Variants in CDC14A observed in about 807,000 individuals in gnomAD.
The protein encoded by CDC14A is dual specificity protein phosphatase CDC14A.
A neutral mutation model predicts 74.4 loss-of-function variants in CDC14A; 53 were observed. The observed-to-expected ratio is 0.71, with a 90% CI of 0.57 to 0.89. The LOEUF is 0.89. CDC14A is among the 40% of genes least tolerant of loss of function. The pLI is 0.00. For synonymous variants in CDC14A, 247 were observed against 258.4 expected (o/e 0.96, Z 0.43); for missense variants, 646 against 713.7 (o/e 0.91, Z 1.08).
chr1:100,472,531 G>A (rs1459705889), intron 10 of CDC14A, among the ~76,000 whole-genome samples: 6 of 151,898 alleles, frequency 4.0e-5, no homozygotes, highest in African/African-American at 9.7e-5. Flanking sequence ...TCTATAACTT[G>A]TCTTTTCATC....
chr1:100,466,561 T>C (rs901961329), intron 9 of CDC14A, among the ~76,000 whole-genome samples: 1 of 151,602 alleles, frequency 6.6e-6, no homozygotes, highest in Non-Finnish European at 1.5e-5. Context: ...TGAAACAGAG[T>C]ATGAATACTT....
chr1:100,484,623 C>T, intron 11 of CDC14A, 172 bp downstream of exon 11: 20 of 1,207,026 alleles, frequency 1.7e-5, no homozygotes, highest in Non-Finnish European at 2.1e-5. Context: ...AAACCAATTG[C>T]CCTTAAAAAA....
intron 11 of CDC14A, among the ~76,000 whole-genome samples, chr1:100,491,267 T>C (rs1670587889): frequency 6.6e-6 from 1 of 152,030 alleles, no homozygotes; most frequent in South Asian, 2.1e-4. Context: ...CATATGTATA[T>C]AATACAACCT....
In CDC14A at chr1:100,414,713, G is replaced by A. The variant is rs77833689; in HGVS notation, c.310-9509G>A. 6.8e-3 allele frequency among the ~76,000 whole-genome samples: 1,030 copies of A among 152,156 alleles called. 12 individuals carry two copies. The highest frequency in any genetic ancestry group is 0.023 in the African/African-American group (950 of 41,516). ...TATTCTGGAGTGAGTCTGTTTTTGC[G>A]TTTTATATAAGGACTACCTTTTGAT... On this transcript the variant is annotated intron_variant, in intron 4 of 15. Transcript: ENST00000336454.
chr1:100,508,468 A>G lies in CDC14A; in HGVS notation c.1755+9206A>G, dbSNP rs1206561119. Among the ~76,000 whole-genome samples, 1 of 152,102 alleles carries G rather than the reference A, an allele frequency of 6.6e-6. No homozygotes were observed. Among genetic ancestry groups the G allele is most frequent in the Non-Finnish European group, 1.5e-5 (1 of 68,016 alleles). ...TAGGGAATTTGGTTGGTAGGTTCAGATGGGATGGGAGTGTTGGTGTGTTTC... is the reference window on the plus strand; with the variant it reads ...TAGGGAATTTGGTTGGTAGGTTCAGGTGGGATGGGAGTGTTGGTGTGTTTC... On this transcript the variant is annotated intron_variant, in intron 15 of 15. Coordinates refer to ENST00000336454, the MANE Select transcript of CDC14A (RefSeq NM_003672.4). This position sits in a 1 kb window ranked among gnomAD's most constrained non-coding sequence, Gnocchi z 4.4.
At chr1:100,411,868 T>G (rs1660755606) in intron 4 of CDC14A, among the ~76,000 whole-genome samples, 1 of 152,192 alleles carries the variant, frequency 6.6e-6, no homozygotes, top group African/African-American at 2.4e-5. Flanking sequence ...GGTGATGTGC[T>G]GGTGACTGGC....
At chr1:100,388,336 A>G (rs1657162982) in intron 3 of CDC14A, among the ~76,000 whole-genome samples, 1 of 152,216 alleles carries the variant, frequency 6.6e-6, no homozygotes, top group Admixed American at 6.5e-5. Context: ...CCCAACAGAC[A>G]ATGAGACAAT....
intron 4 of CDC14A, among the ~76,000 whole-genome samples, chr1:100,423,057 CTA>C (rs1662551008): frequency 6.6e-6 from 1 of 152,098 alleles, no homozygotes; most frequent in African/African-American, 2.4e-5. Flanking sequence ...TCGTTTCTGA[CTA>C]TAGAGGAAAA....
intron 9 of CDC14A, 129 bp from the exon 10 acceptor site, chr1:100,467,827 G>A: frequency 3.4e-6 from 3 of 888,474 alleles, no homozygotes; most frequent in Non-Finnish European, 5.0e-6. Context: ...TAGCAGTTAT[G>A]TTTATTAGCT....
At chr1:100,386,326 C>A (rs372220662) in intron 3 of CDC14A, among the ~76,000 whole-genome samples, 1 of 152,102 alleles carries the variant, frequency 6.6e-6, no homozygotes, top group East Asian at 1.9e-4. Flanking sequence ...CTTTCTGTGA[C>A]CCTCTCTATT....
At chr1:100,495,387 C>T (rs892960685) in intron 12 of CDC14A, among the ~76,000 whole-genome samples, 8 of 152,148 alleles carry the variant, frequency 5.3e-5, no homozygotes, top group Admixed American at 5.2e-4. Context: ...CTTACCTGTG[C>T]CTGTAAAGTT....
intron 5 of CDC14A, among the ~76,000 whole-genome samples, chr1:100,428,555 CT>C (rs2101091398): frequency 6.6e-6 from 1 of 152,248 alleles, no homozygotes; most frequent in Admixed American, 6.5e-5. Context: ...TTTCAGTGTA[CT>C]ACTAAATTAT....
rs1360284542 is a variant in CDC14A, at chr1:100,429,377, G to A, written c.389+5076G>A. On this transcript the variant is annotated intron_variant, in intron 5 of 15. Transcript: ENST00000336454. The stretch of plus-strand genomic sequence containing the variant: ...TAAGTCTGGAGGTAAGGTTAGGTAG[G>A]GTAATGTGCTGACAGTAATGGAATA... Among the ~76,000 whole-genome samples, 3 of 151,778 alleles carry A rather than the reference G, an allele frequency of 2.0e-5. No individual in the cohort carries two copies. In the East Asian group the frequency reaches 5.8e-4, roughly 29 times the overall value.
intron 2 of CDC14A, among the ~76,000 whole-genome samples, chr1:100,355,966 A>G (rs892409444): frequency 2.4e-4 from 36 of 152,214 alleles, no homozygotes; most frequent in African/African-American, 8.4e-4. Context: ...GGAAGAGTTA[A>G]GATTGGCTTG....
chr1:100,478,374 T>TGATAGATAACCTATATCACA (rs1377146040), intron 10 of CDC14A, among the ~76,000 whole-genome samples: 1 of 152,112 alleles, frequency 6.6e-6, no homozygotes, highest in Non-Finnish European at 1.5e-5. Context: ...TATCTATCTG[T>TGATAGATAACCTATATCACA]GATAGATAAC....
At chr1:100,448,269 G>C (rs1293555970) in intron 7 of CDC14A, among the ~76,000 whole-genome samples, 1 of 152,160 alleles carries the variant, frequency 6.6e-6, no homozygotes, top group African/African-American at 2.4e-5. Context: ...CTATTTTCTA[G>C]CTGCCATTAT....
At chr1:100,434,809 G>A (rs1007808458) in intron 5 of CDC14A, among the ~76,000 whole-genome samples, 4 of 151,790 alleles carry the variant, frequency 2.6e-5, no homozygotes, top group African/African-American at 7.3e-5. Context: ...TAAGACACCC[G>A]AACGGAAATG....
At chr1:100,477,393 T>TATG (rs1476505329) in intron 10 of CDC14A, among the ~76,000 whole-genome samples, 3 of 151,882 alleles carry the variant, frequency 2.0e-5, no homozygotes, top group Non-Finnish European at 4.4e-5. Context: ...AATTAGAAAG[T>TATG]ATGATGAATA....
intron 7 of CDC14A, among the ~76,000 whole-genome samples, chr1:100,449,506 G>T (rs1483395982): frequency 6.6e-6 from 1 of 152,078 alleles, no homozygotes; most frequent in African/African-American, 2.4e-5. Flanking sequence ...CAGCTTACCC[G>T]GTGGCGGCTT....
Sources: gnomAD v4.1 joint callset for allele counts (sites outside exome capture counted in the v4.1 genomes callset) on GRCh38, gnomAD v4.1.1 for gene constraint, Gnocchi (gnomAD v3.1) non-coding constraint, MANE v1.5 for transcripts, NCBI Gene and HGNC (gene_info 2026-07-23, HGNC 2026-07-21) for gene names.